The following SIPA1L3 variants were observed in gnomAD, a reference collection of about 807,000 sequenced individuals.
SIPA1L3 encodes signal-induced proliferation-associated 1-like protein 3.
In SIPA1L3, 59 loss-of-function variants were observed where a neutral mutation model predicts 150.1. The observed-to-expected ratio is 0.39, with a 90% CI of 0.32 to 0.49. SIPA1L3 has a LOEUF of 0.49. Ranked by LOEUF, SIPA1L3 falls within the 20% of genes least tolerant of loss-of-function variation. The pLI is 0.86. For missense variants in SIPA1L3, 2,211 were observed against 2,489.5 expected (o/e 0.89, Z 2.38); for synonymous variants, 1,070 against 1,077.6 (o/e 0.99, Z 0.14).
intron 4 of SIPA1L3, among the ~76,000 whole-genome samples, chr19:38,094,113 C>T (rs1186757761): frequency 1.3e-5 from 2 of 152,056 alleles, no homozygotes; most frequent in Non-Finnish European, 2.9e-5. Context: ...TAAAAAGTAC[C>T]AAACGCTCAT....
chr19:38,000,496 A>AAAAAAAAT, intron 1 of SIPA1L3, among the ~76,000 whole-genome samples: 1 of 150,762 alleles, frequency 6.6e-6, no homozygotes. Flanking sequence ...AAAAAAAAAA[A>AAAAAAAAT]AAGAACCTCG....
At chr19:38,062,280 A>C (rs1189629193) in intron 2 of SIPA1L3, among the ~76,000 whole-genome samples, 1 of 152,202 alleles carries the variant, frequency 6.6e-6, no homozygotes, top group African/African-American at 2.4e-5. Flanking sequence ...CCCGGTGTTC[A>C]TGGCTCTATC....
chr19:37,955,792 A>G (rs759913665), intron 1 of SIPA1L3, among the ~76,000 whole-genome samples: 5 of 152,208 alleles, frequency 3.3e-5, no homozygotes, highest in Non-Finnish European at 5.9e-5. Flanking sequence ...GGATAATTTC[A>G]TTACCATTAT....
intron 15 of SIPA1L3, among the ~76,000 whole-genome samples, chr19:38,169,318 G>A (rs1168181135): frequency 1.3e-5 from 2 of 152,086 alleles, no homozygotes; most frequent in Non-Finnish European, 2.9e-5. Context: ...GAGTCTGGGA[G>A]GCAGAGGTTG....
At chr19:37,917,806 A>T (rs1198249257) in intron 1 of SIPA1L3, among the ~76,000 whole-genome samples, 1 of 152,060 alleles carries the variant, frequency 6.6e-6, no homozygotes, top group Non-Finnish European at 1.5e-5. Context: ...GGAGTTTGAG[A>T]CCAGCCTGGA....
intron 1 of SIPA1L3, among the ~76,000 whole-genome samples, chr19:37,974,113 A>C (rs979620209): frequency 6.6e-6 from 1 of 152,126 alleles, no homozygotes; most frequent in African/African-American, 2.4e-5. Context: ...GACTTTATTG[A>C]GCACTTCCTG....
intron 15 of SIPA1L3, among the ~76,000 whole-genome samples, chr19:38,172,175 T>C (rs1311651775): frequency 6.6e-6 from 1 of 152,060 alleles, no homozygotes; most frequent in African/African-American, 2.4e-5. Context: ...CAGGCGGCAT[T>C]GCCAGGAAGT....
At chr19:37,932,349 G>C (rs2046561823) in intron 1 of SIPA1L3, 1 of 152,256 alleles carries the variant, frequency 6.6e-6, no homozygotes, top group Non-Finnish European at 1.5e-5. Context: ...GAGTAAGGAG[G>C]CCTTTTCTTT....
rs538941390 is a variant in SIPA1L3 at position 37,936,286 on chromosome 19, G to A, written c.-379+28928G>A. The stretch of plus-strand genomic sequence containing the variant: ...GGGTCAATAAGGAAGAAGACGGAGA[G>A]TGGACATGTTGGGCATTCACCTGCC... On this transcript the variant is annotated intron_variant, in intron 1 of 21. Transcript: ENST00000222345. Among the ~76,000 whole-genome samples, 3 of 152,330 alleles carry A rather than the reference G, an allele frequency of 2.0e-5. No individual in the cohort carries two copies. The East Asian group carries it at 5.8e-4, about 29-fold the overall frequency.
chr19:38,041,273 ATTTTTTTTTTT>A (rs35807588), intron 2 of SIPA1L3, among the ~76,000 whole-genome samples: 1 of 72,520 alleles, frequency 1.4e-5, no homozygotes, highest in East Asian at 4.1e-4. Context: ...CGCTCAGCTA[ATTTTTTTTTTT>A]TTTTTTTTTT....
chr19:38,202,786 G>C (rs1202290733), intron 20 of SIPA1L3, among the ~76,000 whole-genome samples: 2 of 152,084 alleles, frequency 1.3e-5, no homozygotes, highest in African/African-American at 2.4e-5. Flanking sequence ...GTGCTGGGCT[G>C]TCTGAGGACC....
chr19:38,012,531 G>A (rs1411394103), intron 1 of SIPA1L3, among the ~76,000 whole-genome samples: 1 of 152,140 alleles, frequency 6.6e-6, no homozygotes, highest in Non-Finnish European at 1.5e-5. Context: ...TGTCTCCTGG[G>A]CTGTGGAACA....
At chr19:38,018,200 G>T (rs554554163) in intron 1 of SIPA1L3, among the ~76,000 whole-genome samples, 11 of 108,422 alleles carry the variant, frequency 1.0e-4, no homozygotes, top group Non-Finnish European at 1.7e-4. Flanking sequence ...GTCTTGCTCT[G>T]TCACCCAGGC....
chr19:38,180,594 G>A (rs185996814), intron 15 of SIPA1L3, among the ~76,000 whole-genome samples: 11 of 146,462 alleles, frequency 7.5e-5, no homozygotes, highest in East Asian at 4.0e-4. Flanking sequence ...GGAGTGCAAC[G>A]GCATAATGGC....
chr19:37,942,593 A>G (rs1316396430), intron 1 of SIPA1L3, among the ~76,000 whole-genome samples: 2 of 151,584 alleles, frequency 1.3e-5, no homozygotes, highest in African/African-American at 2.4e-5. Flanking sequence ...GGTTTGATTC[A>G]GAGTGTCCTC....
At chr19:38,071,963 T>G (rs1268004893) in intron 2 of SIPA1L3, among the ~76,000 whole-genome samples, 1 of 152,176 alleles carries the variant, frequency 6.6e-6, no homozygotes, top group Non-Finnish European at 1.5e-5. Flanking sequence ...TGATGTCAAG[T>G]AATCAGGTGG....
chr19:37,927,390 G>T (rs912376155), intron 1 of SIPA1L3, among the ~76,000 whole-genome samples: 14 of 152,226 alleles, frequency 9.2e-5, no homozygotes, highest in African/African-American at 3.1e-4. Flanking sequence ...GACCTCAGGT[G>T]ATCCACCCAC....
At chr19:37,971,625 GCGCGAT>G (rs1223824104) in intron 1 of SIPA1L3, among the ~76,000 whole-genome samples, 1 of 151,896 alleles carries the variant, frequency 6.6e-6, no homozygotes, top group African/African-American at 2.4e-5. Context: ...GAGTACAGTG[GCGCGAT>G]CTCGGCTCAC....
chr19:38,205,375 T>C (rs1031188764), intron 21 of SIPA1L3, among the ~76,000 whole-genome samples: 1 of 149,690 alleles, frequency 6.7e-6, no homozygotes, highest in Admixed American at 6.7e-5. Context: ...GAGAATTGCT[T>C]GAACCCAGGA....
Sources: gnomAD v4.1 joint callset for allele counts (sites outside exome capture counted in the v4.1 genomes callset) on GRCh38, gnomAD v4.1.1 for gene constraint, MANE v1.5 for transcripts, NCBI Gene and HGNC (gene_info 2026-07-23, HGNC 2026-07-21) for gene names.